The following AGMO variants were observed in gnomAD, a reference collection of about 807,000 sequenced individuals.
The protein encoded by AGMO is glyceryl-ether monooxygenase.
In AGMO, 75 loss-of-function variants were observed where a neutral mutation model predicts 60.2. The ratio of observed to expected loss-of-function variants is 1.25; its 90% CI spans 1.03 to 1.51. AGMO has a LOEUF of 1.51. AGMO is among the 40% of genes most tolerant of loss of function. The pLI is 0.00. For synonymous variants in AGMO, 261 were observed against 177.1 expected (o/e 1.47, Z -3.76); for missense variants, 763 against 525.5 (o/e 1.45, Z -4.42).
intron 3 of AGMO, among the ~76,000 whole-genome samples, chr7:15,511,423 A>G (rs1783671734): frequency 6.6e-6 from 1 of 152,110 alleles, no homozygotes; most frequent in Non-Finnish European, 1.5e-5. Context: ...GAACAAAACA[A>G]CTTTCTTTGG....
At chr7:15,492,035 T>C (rs190906372) in intron 3 of AGMO, among the ~76,000 whole-genome samples, 3 of 152,334 alleles carry the variant, frequency 2.0e-5, no homozygotes, top group Non-Finnish European at 1.5e-5. Flanking sequence ...AGACCTTGCA[T>C]TGTGGCAACA....
chr7:15,377,420 A>G (rs190625005), intron 10 of AGMO, among the ~76,000 whole-genome samples: 565 of 152,098 alleles, frequency 3.7e-3, no homozygotes, highest in Middle Eastern at 6.8e-3. Context: ...TGAGAAAACC[A>G]TGCTGTAAGT....
At chr7:15,359,133 C>T (rs1782652464) in intron 12 of AGMO, among the ~76,000 whole-genome samples, 3 of 151,744 alleles carry the variant, frequency 2.0e-5, no homozygotes, top group Non-Finnish European at 4.4e-5. Flanking sequence ...ACTAAAAATA[C>T]ACAAAATTAG....
intron 3 of AGMO, among the ~76,000 whole-genome samples, chr7:15,528,511 C>T (rs11772287): frequency 0.62 from 94,078 of 151,734 alleles, 31,831 homozygotes; most frequent in East Asian, 0.95. Flanking sequence ...CTTTTTTTGC[C>T]AAAAAATATT....
At chr7:15,513,835 C>T (rs1243325894) in intron 3 of AGMO, among the ~76,000 whole-genome samples, 1 of 152,168 alleles carries the variant, frequency 6.6e-6, no homozygotes, top group Non-Finnish European at 1.5e-5. Context: ...ATTATCTTCT[C>T]CTTGAAACAC....
intron 12 of AGMO, among the ~76,000 whole-genome samples, chr7:15,277,881 G>C (rs966226121): frequency 2.0e-5 from 3 of 152,144 alleles, no homozygotes; most frequent in African/African-American, 7.2e-5. Context: ...GCTTGCCTAT[G>C]ATATCCCAAT....
chr7:15,409,075 G>A (rs2128491884), intron 5 of AGMO, among the ~76,000 whole-genome samples: 1 of 151,986 alleles, frequency 6.6e-6, no homozygotes, highest in East Asian at 1.9e-4. Context: ...CATAGACCAG[G>A]AGATATAGTG....
chr7:15,386,547 G>A (rs574644552), intron 9 of AGMO, among the ~76,000 whole-genome samples: 2 of 152,108 alleles, frequency 1.3e-5, no homozygotes, highest in African/African-American at 2.4e-5. Context: ...GAACATAAAC[G>A]GAAGTGGGAA....
chr7:15,508,990 T>C (rs1783602477), intron 3 of AGMO, among the ~76,000 whole-genome samples: 1 of 152,200 alleles, frequency 6.6e-6, no homozygotes, highest in South Asian at 2.1e-4. Context: ...AAACCAACTT[T>C]GCTTATTTGG....
At chr7:15,468,293 C>A (rs1345170054) in intron 3 of AGMO, among the ~76,000 whole-genome samples, 1 of 152,072 alleles carries the variant, frequency 6.6e-6, no homozygotes, top group Non-Finnish European at 1.5e-5. Context: ...GATGACAATA[C>A]CAGACACTGG....
At chr7:15,395,875 A>C (rs1021399269) in intron 5 of AGMO, among the ~76,000 whole-genome samples, 2 of 152,166 alleles carry the variant, frequency 1.3e-5, no homozygotes, top group Admixed American at 1.3e-4. Flanking sequence ...CCCAATTTAC[A>C]GTTGCTCAAT....
intron 12 of AGMO, among the ~76,000 whole-genome samples, chr7:15,241,172 C>T (rs921526573): frequency 3.3e-5 from 5 of 151,882 alleles, no homozygotes; most frequent in African/African-American, 9.7e-5. Context: ...ATCTATCACT[C>T]AAGTAAAGAC....
At chr7:15,483,460 A>G (rs913533259) in intron 3 of AGMO, among the ~76,000 whole-genome samples, 5 of 151,816 alleles carry the variant, frequency 3.3e-5, no homozygotes, top group Non-Finnish European at 7.4e-5. Flanking sequence ...CAGCTACTCC[A>G]GAGGCTGAGG....
chr7:15,286,317 A>C (rs574366064), intron 12 of AGMO, among the ~76,000 whole-genome samples: 2 of 152,152 alleles, frequency 1.3e-5, no homozygotes, highest in Admixed American at 1.3e-4. Flanking sequence ...TTTGCAAACT[A>C]TGCATCTGAC....
intron 12 of AGMO, among the ~76,000 whole-genome samples, chr7:15,207,291 T>C (rs1177486456): frequency 2.6e-5 from 4 of 152,230 alleles, no homozygotes; most frequent in Non-Finnish European, 5.9e-5. Flanking sequence ...TGAAAATAGA[T>C]GCTACCTTTC....
intron 3 of AGMO, among the ~76,000 whole-genome samples, chr7:15,495,477 T>C (rs1783196253): frequency 6.6e-6 from 1 of 152,138 alleles, no homozygotes; most frequent in Non-Finnish European, 1.5e-5. Context: ...AGTTCATACA[T>C]CACTTCTCTT....
intron 3 of AGMO, among the ~76,000 whole-genome samples, chr7:15,448,611 ATTTTT>A (rs11330514): frequency 1.5e-5 from 2 of 131,158 alleles, no homozygotes; most frequent in Admixed American, 7.6e-5. Flanking sequence ...ATAAAGTTTA[ATTTTT>A]TTTTTTTTTT....
intron 3 of AGMO, among the ~76,000 whole-genome samples, chr7:15,433,086 A>G (rs1410051933): frequency 6.6e-6 from 1 of 152,068 alleles, no homozygotes; most frequent in African/African-American, 2.4e-5. Flanking sequence ...ATTGAAAATC[A>G]ATACATTGTC....
chr7:15,190,226 T>TGC, the AGMO span, among the ~76,000 whole-genome samples: 1 of 6,808 alleles, frequency 1.5e-4, no homozygotes, highest in Admixed American at 1.6e-3. Context: ...TATATATATA[T>TGC]ATATTTATAT....
Sources: allele counts gnomAD v4.1 joint callset (sites outside exome capture counted in the v4.1 genomes callset), GRCh38; gene constraint gnomAD v4.1.1; transcripts MANE v1.5; gene names NCBI Gene and HGNC (gene_info 2026-07-23, HGNC 2026-07-21).